CNKSR2: variants seen among roughly 807,000 people sequenced by gnomAD.
CNKSR2 encodes the protein CNK homolog protein 2.
CNKSR2 carries 14 observed loss-of-function variants against 84.4 expected under a neutral mutation model. The ratio of observed to expected loss-of-function variants is 0.17; its 90% CI spans 0.11 to 0.26. CNKSR2 has a LOEUF of 0.26. Among genes scored for constraint, CNKSR2 ranks in the 10% least tolerant of loss-of-function variants. The pLI is 1.00. For synonymous variants in CNKSR2, 275 were observed against 277.9 expected, an observed-to-expected ratio of 0.99 and a Z score of 0.10; for missense variants, 485 against 771.2, an observed-to-expected ratio of 0.63 and a Z score of 4.40.
At chrX:21,638,982 T>A (rs966080660) in intron 20 of CNKSR2, among the ~76,000 whole-genome samples, 3 of 111,833 alleles carry the variant, frequency 2.7e-5, no homozygotes, top group Non-Finnish European at 5.6e-5. Flanking sequence ...GTGCCCAGCA[T>A]GCCTTTTTCT....
At chrX:21,422,477 C>A (rs1296996643) in intron 1 of CNKSR2, among the ~76,000 whole-genome samples, 2 of 112,102 alleles carry the variant, frequency 1.8e-5, no homozygotes, top group East Asian at 5.6e-4. Context: ...CTTATTTTCT[C>A]CCTGGAATTA....
At chrX:21,449,902 C>T (rs1484206893) in intron 4 of CNKSR2, among the ~76,000 whole-genome samples, 1 of 112,070 alleles carries the variant, frequency 8.9e-6, no homozygotes, top group Non-Finnish European at 1.9e-5. Flanking sequence ...TTTACTTTTC[C>T]CTTTAAAAAA....
chrX:21,519,819 T>C (rs2091764737), intron 9 of CNKSR2, among the ~76,000 whole-genome samples: 1 of 110,987 alleles, frequency 9.0e-6, no homozygotes, highest in Non-Finnish European at 1.9e-5. Context: ...TGTAGTAGTA[T>C]GGAGGTAGGC....
At chrX:21,473,201 T>A (rs2091219331) in intron 5 of CNKSR2, among the ~76,000 whole-genome samples, 1 of 111,590 alleles carries the variant, frequency 9.0e-6, no homozygotes, top group Non-Finnish European at 1.9e-5. Flanking sequence ...TCCTGTCTGA[T>A]GATGATGACA....
chrX:21,426,630 C>T lies in CNKSR2; in HGVS notation c.198C>T (p.Ile66=), dbSNP rs113885403. Residue 66 remains isoleucine (I), a synonymous_variant, in exon 2 of 22, where the codon ATC becomes ATT. Transcript: ENST00000379510. Reference sequence around the variant, plus strand: ...GCCGCATTGGCCATCAGGAACTGATCTTGGAAGCAGTTGACCTTCTGTGTG... The same window carrying T: ...GCCGCATTGGCCATCAGGAACTGATTTTGGAAGCAGTTGACCTTCTGTGTG... ...GVSRIGHQEL[I]LEAVDLLCAL... 1.7e-4 allele frequency: 200 copies of T among 1,203,842 alleles called. 5 individuals are homozygous for T. The highest frequency in any genetic ancestry group is 1.6e-3 in the African/African-American group (89 of 56,704).
chrX:21,603,687 A>G (rs904428375), intron 18 of CNKSR2, among the ~76,000 whole-genome samples: 4 of 112,570 alleles, frequency 3.6e-5, no homozygotes, highest in Admixed American at 9.4e-5. Flanking sequence ...CAAGATAGCA[A>G]TTTGGCTAAT....
chrX:21,579,866 AG>A (rs2092343175), intron 13 of CNKSR2, among the ~76,000 whole-genome samples: 1 of 111,840 alleles, frequency 8.9e-6, no homozygotes, highest in Non-Finnish European at 1.9e-5. Context: ...TGAGGTAACC[AG>A]TTCTGAAGAA....
At chrX:21,432,889 G>A (rs950077842) in intron 3 of CNKSR2, 75 bp downstream of exon 3, 6 of 1,047,528 alleles carry the variant, frequency 5.7e-6, no homozygotes, top group Non-Finnish European at 7.9e-6. Flanking sequence ...TTTGCATTTT[G>A]TTGTGAAAGG....
rs751050084 is a variant in CNKSR2 at position 21,442,131 on chromosome X, T to C, written c.519+1350T>C. On this transcript the variant is annotated intron_variant, in intron 4 of 21. Coordinates refer to ENST00000379510, the MANE Select transcript of CNKSR2 (RefSeq NM_014927.5). ...TTGCAGGAATTTGTTTAATCTGCTA[T>C]ATTTATTTTACTTATTCCCAGTTGT... is the stretch of plus-strand genomic sequence containing the variant. Among the ~76,000 whole-genome samples, 41 of 111,183 alleles carry C rather than the reference T, an allele frequency of 3.7e-4. No individual in the cohort carries two copies. The East Asian group carries it at 4.5e-3, about 12-fold the overall frequency.
intron 2 of CNKSR2, among the ~76,000 whole-genome samples, chrX:21,430,246 G>T (rs961226470): frequency 9.0e-6 from 1 of 111,242 alleles, no homozygotes; most frequent in Non-Finnish European, 1.9e-5. Context: ...TCCAGGTTTT[G>T]TCCGGATGAT....
intron 8 of CNKSR2, among the ~76,000 whole-genome samples, chrX:21,507,460 A>G (rs1369319040): frequency 9.0e-6 from 1 of 111,326 alleles, no homozygotes; most frequent in Non-Finnish European, 1.9e-5. Flanking sequence ...TGGTAAAGTG[A>G]TTTCTAAAGG....
chrX:21,409,595 G>A (rs1241266994), intron 1 of CNKSR2, among the ~76,000 whole-genome samples: 1 of 110,243 alleles, frequency 9.1e-6, no homozygotes, highest in Non-Finnish European at 1.9e-5. Flanking sequence ...AAAAATATTA[G>A]AATACATATT....
chrX:21,374,840 C>A lies in CNKSR2; in HGVS notation c.-58C>A. ...GGACCCCACCTGAGAGCAGCTCGGGCTGCTGAGTTCGTTTTGTGTCTGAGC... is the reference window on the plus strand; with the variant it reads ...GGACCCCACCTGAGAGCAGCTCGGGATGCTGAGTTCGTTTTGTGTCTGAGC... On this transcript the variant is annotated 5_prime_UTR_variant, in exon 1 of 22. It adds an upstream start codon to the 5' untranslated region. Coordinates refer to ENST00000379510, the MANE Select transcript of CNKSR2 (RefSeq NM_014927.5). 9.6e-7 allele frequency: 1 copy of A among 1,046,832 alleles called. No homozygotes were observed. Among genetic ancestry groups the A allele is most frequent in the Non-Finnish European group, 1.3e-6 (1 of 744,843 alleles). 86.3% of individuals were successfully genotyped at this position (1,046,832 alleles called of 1,213,427 possible).
intron 5 of CNKSR2, among the ~76,000 whole-genome samples, chrX:21,488,985 C>T (rs182116492): frequency 1.8e-5 from 2 of 111,325 alleles, no homozygotes; most frequent in African/African-American, 3.3e-5. Context: ...TTCCTCTGCC[C>T]TCTTTGTTTA....
In CNKSR2 at chrX:21,532,059, C is replaced by T; in HGVS notation, c.1295C>T (p.Pro432Leu). The T allele has an allele frequency of 8.5e-7, 1 of 1,175,767 alleles. No individual in the cohort carries two copies. ...SSSQGRREST[P>L]TYGKLRPISM... ...AGTCAAGGAAGACGAGAAAGCACCC[C>T]AACTTATGGTAAGAGTTCTTCTTTT... Residue 432 changes from proline (P) to leucine (L), a missense_variant, in exon 11 of 22, where the codon CCA (proline) becomes CTA (leucine). Around this residue, in one of 5 missense-constraint regions of CNKSR2, gnomAD observed 132 missense variants for 166.7 expected, o/e 0.79. Coordinates refer to ENST00000379510, the MANE Select transcript of CNKSR2 (RefSeq NM_014927.5).
chrX:21,515,973 A>G (rs1156741881), intron 8 of CNKSR2, among the ~76,000 whole-genome samples: 2 of 111,687 alleles, frequency 1.8e-5, no homozygotes, highest in Non-Finnish European at 3.8e-5. Context: ...ATGCGTAAGA[A>G]TGTTGCCTTG....
At chrX:21,412,149 T>A (rs2090353810) in intron 1 of CNKSR2, among the ~76,000 whole-genome samples, 1 of 111,658 alleles carries the variant, frequency 9.0e-6, no homozygotes. Flanking sequence ...AGCCTGGGAC[T>A]GAGATAAGCC....
intron 5 of CNKSR2, among the ~76,000 whole-genome samples, chrX:21,480,978 T>A (rs2091313203): frequency 8.9e-6 from 1 of 112,165 alleles, no homozygotes; most frequent in Non-Finnish European, 1.9e-5. Context: ...GTAACTTGGC[T>A]CTGCCATTTA....
At chrX:21,600,153 A>C (rs2092473602) in intron 17 of CNKSR2, among the ~76,000 whole-genome samples, 1 of 112,064 alleles carries the variant, frequency 8.9e-6, no homozygotes, top group African/African-American at 3.2e-5. Context: ...TTTGTCTATT[A>C]GAGACAGGAA....
Sources: gnomAD v4.1 joint callset for allele counts (sites outside exome capture counted in the v4.1 genomes callset) on GRCh38, gnomAD v4.1.1 for gene constraint, gnomAD v4.1.1 regional missense constraint, MANE v1.5 for transcripts, NCBI Gene and HGNC (gene_info 2026-07-23, HGNC 2026-07-21) for gene names.